Variants in PTPN4 observed in about 807,000 individuals in gnomAD.
PTPN4 encodes the protein protein tyrosine phosphatase non-receptor type 4.
PTPN4 carries 49 observed loss-of-function variants against 135.5 expected under a neutral mutation model. The ratio of observed to expected loss-of-function variants is 0.36; its 90% CI spans 0.29 to 0.46. The LOEUF (loss-of-function observed/expected upper bound fraction) is 0.46, where lower values mean the gene tolerates loss of function less well. Among genes scored for constraint, PTPN4 ranks in the 20% least tolerant of loss-of-function variants. PTPN4 has a pLI of 1.00. For synonymous variants in PTPN4, 333 were observed against 369.9 expected, an observed-to-expected ratio of 0.90 and a Z score of 1.14; for missense variants, 860 against 1,101.0, an observed-to-expected ratio of 0.78 and a Z score of 3.10.
In PTPN4 at chr2:119,859,207, CTT is replaced by C. The variant is rs140209837; in HGVS notation, c.139-3327_139-3326del. On this transcript the variant is annotated intron_variant, in intron 2 of 26. Transcript: ENST00000263708. ...TTTTTTCTGATGACTGCTTCCAAAT[CTT>C]TGTCAGATAATTCCAATATCTGATT... Among the ~76,000 whole-genome samples the C allele has an allele frequency of 3.3e-3, 496 of 152,150 alleles. 2 individuals are homozygous for C. The highest frequency in any genetic ancestry group is 0.011 in the African/African-American group (469 of 41,512).
chr2:119,846,680 T>C (rs1677503448), intron 2 of PTPN4, among the ~76,000 whole-genome samples: 1 of 152,056 alleles, frequency 6.6e-6, no homozygotes, highest in East Asian at 1.9e-4. Context: ...TGTTTCTCTT[T>C]TCCTCCTTTA....
intron 1 of PTPN4, among the ~76,000 whole-genome samples, chr2:119,780,394 A>G (rs78540188): frequency 0.027 from 4,163 of 152,198 alleles, 83 homozygotes; most frequent in Non-Finnish European, 0.042. Context: ...GATTTCTCCA[A>G]TTGTTCAAGC....
At chr2:119,959,685 G>A (rs985608574) in intron 22 of PTPN4, among the ~76,000 whole-genome samples, 6 of 152,178 alleles carry the variant, frequency 3.9e-5, no homozygotes, top group East Asian at 3.8e-4. Context: ...AAGTAGCATC[G>A]CTGGCAGGCT....
chr2:119,967,418 C>T (rs918797755), intron 25 of PTPN4, among the ~76,000 whole-genome samples: 1 of 151,756 alleles, frequency 6.6e-6, no homozygotes, highest in South Asian at 2.1e-4. Context: ...CACTGCACTC[C>T]AGCCTGGGCG....
At chr2:119,868,733 T>C (rs955919514) in intron 3 of PTPN4, among the ~76,000 whole-genome samples, 1 of 152,218 alleles carries the variant, frequency 6.6e-6, no homozygotes, top group African/African-American at 2.4e-5. Flanking sequence ...ATTCGGCCCA[T>C]CCCTTCGTTT....
chr2:119,864,538 C>T (rs1036053995), intron 3 of PTPN4, among the ~76,000 whole-genome samples: 3 of 152,016 alleles, frequency 2.0e-5, no homozygotes, highest in Non-Finnish European at 2.9e-5. Flanking sequence ...ATTAGATTGA[C>T]GGGGTAAGTG....
At chr2:119,971,590 T>A (rs962091866) in intron 26 of PTPN4, among the ~76,000 whole-genome samples, 1 of 152,256 alleles carries the variant, frequency 6.6e-6, no homozygotes, top group Non-Finnish European at 1.5e-5. Context: ...TGATCAGATC[T>A]GTGGTTTGCA....
At chr2:119,974,450 C>T (rs1679585031) in intron 26 of PTPN4, among the ~76,000 whole-genome samples, 1 of 152,062 alleles carries the variant, frequency 6.6e-6, no homozygotes, top group African/African-American at 2.4e-5. Context: ...CTCAGGTGAT[C>T]CACCCGCCTC....
At chr2:119,782,885 A>T (rs1690969726) in intron 1 of PTPN4, among the ~76,000 whole-genome samples, 1 of 150,226 alleles carries the variant, frequency 6.7e-6, no homozygotes, top group East Asian at 1.9e-4. Flanking sequence ...AAAAAAAAAA[A>T]TGTGTAGAGA....
intron 3 of PTPN4, among the ~76,000 whole-genome samples, chr2:119,865,396 T>A (rs150895764): frequency 6.6e-6 from 1 of 152,276 alleles, no homozygotes; most frequent in East Asian, 1.9e-4. Flanking sequence ...TCACTTATGA[T>A]GAAAGTGTCA....
intron 15 of PTPN4, among the ~76,000 whole-genome samples, chr2:119,944,551 A>AT (rs1384675168): frequency 1.3e-5 from 2 of 152,206 alleles, no homozygotes; most frequent in Non-Finnish European, 2.9e-5. Flanking sequence ...TGTTCTGACA[A>AT]TATCTCAACC....
chr2:119,953,139 A>C (rs1303680828), intron 19 of PTPN4, among the ~76,000 whole-genome samples: 5 of 152,120 alleles, frequency 3.3e-5, no homozygotes, highest in Non-Finnish European at 7.4e-5. Context: ...TCTAAGAAAA[A>C]AGTTTTATAT....
At chr2:119,938,593 T>A (rs1180112550) in intron 15 of PTPN4, among the ~76,000 whole-genome samples, 1 of 152,200 alleles carries the variant, frequency 6.6e-6, no homozygotes, top group African/African-American at 2.4e-5. Flanking sequence ...ATATAAGCCC[T>A]GATATTTACT....
At chr2:119,941,215 CTTCCTAGA>C (rs1679057656) in intron 15 of PTPN4, among the ~76,000 whole-genome samples, 1 of 152,142 alleles carries the variant, frequency 6.6e-6, no homozygotes, top group Non-Finnish European at 1.5e-5. Flanking sequence ...TGAAAATCAT[CTTCCTAGA>C]TAACTGTTTA....
chr2:119,793,860 T>TTTGTTTG (rs1233348316), intron 1 of PTPN4, among the ~76,000 whole-genome samples: 30 of 134,604 alleles, frequency 2.2e-4, no homozygotes, highest in African/African-American at 8.1e-4. Context: ...TTTTTTTTTT[T>TTTGTTTG]TTTTTTTTTT....
intron 10 of PTPN4, among the ~76,000 whole-genome samples, chr2:119,907,899 A>G (rs1420531292): frequency 6.6e-6 from 1 of 152,214 alleles, no homozygotes; most frequent in Non-Finnish European, 1.5e-5. Flanking sequence ...CTGGGTATCT[A>G]TTGCAGAAGA....
At chr2:119,894,312 C>T (rs1678286079) in intron 9 of PTPN4, among the ~76,000 whole-genome samples, 1 of 152,210 alleles carries the variant, frequency 6.6e-6, no homozygotes, top group Non-Finnish European at 1.5e-5. Context: ...TGGAGCTATA[C>T]ATATGACTTT....
At chr2:119,782,726 G>A (rs113006977) in intron 1 of PTPN4, among the ~76,000 whole-genome samples, 5 of 55,760 alleles carry the variant, frequency 9.0e-5, no homozygotes, top group Admixed American at 3.2e-4. Context: ...TTTTTTTTTT[G>A]AGACGACCTC....
chr2:119,953,891 C>G (rs1210682824), intron 19 of PTPN4, among the ~76,000 whole-genome samples: 2 of 152,140 alleles, frequency 1.3e-5, no homozygotes, highest in South Asian at 4.2e-4. Context: ...TTTTACAATT[C>G]CAGATCTCAT....
Sources: allele counts gnomAD v4.1 joint callset (sites outside exome capture counted in the v4.1 genomes callset), GRCh38; gene constraint gnomAD v4.1.1; transcripts MANE v1.5; gene names NCBI Gene and HGNC (gene_info 2026-07-23, HGNC 2026-07-21).